Variants in PRIM2 observed in about 807,000 individuals in gnomAD.
The protein encoded by PRIM2 is DNA primase subunit 2, also known as DNA primase large subunit.
Under a neutral mutation model 67.3 loss-of-function variants are expected in PRIM2, and 39 were observed. The observed-to-expected ratio is 0.58, with a 90% confidence interval of 0.45 to 0.76. The LOEUF (loss-of-function observed/expected upper bound fraction) is 0.76, where lower values mean the gene tolerates loss of function less well. PRIM2 is among the 30% of genes least tolerant of loss of function. PRIM2 has a pLI of 0.00. For synonymous variants in PRIM2, 143 were observed against 198.7 expected, an observed-to-expected ratio of 0.72 and a Z score of 2.36; for missense variants, 398 against 598.7, an observed-to-expected ratio of 0.66 and a Z score of 3.50.
At chr6:57,599,600 T>G in intron 10 of PRIM2, among the ~76,000 whole-genome samples, 1 of 152,082 alleles carries the variant, frequency 6.6e-6, no homozygotes, top group African/African-American at 2.4e-5. Context: ...TCATGCTATT[T>G]TCTATTAATC....
chr6:57,637,860 G>T (rs1465102843), intron 13 of PRIM2, among the ~76,000 whole-genome samples: 1 of 152,172 alleles, frequency 6.6e-6, no homozygotes, highest in East Asian at 1.9e-4. Flanking sequence ...CCCCAACCTA[G>T]CAAGACAGGC....
chr6:57,485,677 A>G (rs1294007855), intron 7 of PRIM2, among the ~76,000 whole-genome samples: 2 of 152,210 alleles, frequency 1.3e-5, no homozygotes, highest in Non-Finnish European at 2.9e-5. Context: ...GTAGTAGTCC[A>G]CATATCATTA....
At chr6:57,535,506 A>G (rs1380587185) in intron 9 of PRIM2, among the ~76,000 whole-genome samples, 6 of 152,204 alleles carry the variant, frequency 3.9e-5, no homozygotes, top group Admixed American at 3.3e-4. Context: ...AAAGGGGACA[A>G]TTAGGTCCTA....
At chr6:57,419,279 A>T (rs12198635) in intron 7 of PRIM2, among the ~76,000 whole-genome samples, 1 of 152,144 alleles carries the variant, frequency 6.6e-6, no homozygotes, top group African/African-American at 2.4e-5. Flanking sequence ...TGGTTAGACT[A>T]CGGGGAGTTG....
chr6:57,224,482 G>C, the PRIM2 span, among the ~76,000 whole-genome samples: 3 of 152,176 alleles, frequency 2.0e-5, no homozygotes, highest in Non-Finnish European at 4.4e-5. Context: ...TACAGTTCTA[G>C]CTTTGCAAGA....
chr6:57,369,834 A>G (rs995938606), intron 5 of PRIM2, among the ~76,000 whole-genome samples: 4 of 152,246 alleles, frequency 2.6e-5, no homozygotes, highest in African/African-American at 9.6e-5. Context: ...AAACTGCATT[A>G]GTTGCAGTAA....
chr6:57,625,931 A>C (rs1776942745), intron 12 of PRIM2, among the ~76,000 whole-genome samples: 1 of 152,180 alleles, frequency 6.6e-6, no homozygotes, highest in Non-Finnish European at 1.5e-5. Flanking sequence ...AATTTGCAAG[A>C]CTTGGCATCT....
intron 9 of PRIM2, among the ~76,000 whole-genome samples, chr6:57,534,800 C>T (rs2127469166): frequency 6.6e-6 from 1 of 152,332 alleles, no homozygotes; most frequent in South Asian, 2.1e-4. Context: ...TCTTTTAGCA[C>T]ACCACATTTA....
rs1769358648 is a variant in PRIM2 at position 57,366,384 on chromosome 6, A to T, written c.460-13517A>T. ...AGGCCTGGGATAAAAAGGAACTTTG[A>T]TGGACACAAAGAGCCTGTGTAGTGG... On this transcript the variant is annotated intron_variant, in intron 5 of 13. Transcript: ENST00000615550. Among the ~76,000 whole-genome samples, 4 of 152,182 alleles carry T rather than the reference A, an allele frequency of 2.6e-5. 1 individual carries two copies. The South Asian group carries it at 8.3e-4, about 32-fold the overall frequency.
intron 13 of PRIM2, among the ~76,000 whole-genome samples, chr6:57,645,452 G>A (rs1777319420): frequency 6.6e-6 from 1 of 150,910 alleles, no homozygotes; most frequent in African/African-American, 2.4e-5. Flanking sequence ...AATGTTTTGG[G>A]TATTGCCAGA....
At position 57,532,464 on chromosome 6, in the gene PRIM2, C is replaced by T. The variant is rs1774911993; in HGVS notation, c.815C>T (p.Ser272Phe). ...YSTQGNVGKI[S>F]LDQIDLLSTK... ...ACCCAGGGAAATGTTGGGAAGATTTCTTTAGATCAGATTGATTTGGTAAGT... is the reference window on the plus strand; with the variant it reads ...ACCCAGGGAAATGTTGGGAAGATTTTTTTAGATCAGATTGATTTGGTAAGT... Residue 272 changes from serine to phenylalanine, a missense_variant, in exon 9 of 14, where the codon TCT becomes TTT. Physicochemically the swap from Ser to Phe is radical, Grantham distance 155. Around this residue, in one of 4 missense-constraint regions of PRIM2, gnomAD observed 229 missense variants for 383.6 expected, o/e 0.60. Transcript: ENST00000615550. 8 of 1,458,290 alleles carry T rather than the reference C, an allele frequency of 5.5e-6. No individual in the cohort carries two copies. In the South Asian group the frequency reaches 1.0e-4, roughly 19 times the overall value. The allele number at this position is 1,458,290 out of a possible 1,614,324, so 90.3% of individuals were successfully genotyped here. A position where few individuals can be genotyped will look rare whatever the true frequency, so the allele number is the denominator to read the frequency against.
chr6:57,364,720 A>C (rs1769299669), intron 5 of PRIM2, among the ~76,000 whole-genome samples: 1 of 151,956 alleles, frequency 6.6e-6, no homozygotes, highest in Non-Finnish European at 1.5e-5. Context: ...GTGTTTTGCT[A>C]CCTTGCCCCT....
chr6:57,248,683 A>G, the PRIM2 span, among the ~76,000 whole-genome samples: 4 of 152,176 alleles, frequency 2.6e-5, no homozygotes, highest in Admixed American at 6.5e-5. Flanking sequence ...TAGGCCTGCA[A>G]CCAGTCTGAT....
intron 7 of PRIM2, among the ~76,000 whole-genome samples, chr6:57,394,997 A>G (rs201620120): frequency 0.061 from 9,240 of 152,242 alleles, 382 homozygotes; most frequent in Admixed American, 0.1. Flanking sequence ...CCATCCCTGC[A>G]TCTGTGGTGT....
At chr6:57,476,973 T>A (rs1248858743) in intron 7 of PRIM2, among the ~76,000 whole-genome samples, 2 of 152,124 alleles carry the variant, frequency 1.3e-5, no homozygotes, top group Non-Finnish European at 2.9e-5. Flanking sequence ...ATTTTACTCA[T>A]GAATTTTATG....
At chr6:57,645,161 A>T in intron 13 of PRIM2, among the ~76,000 whole-genome samples, 1 of 152,270 alleles carries the variant, frequency 6.6e-6, no homozygotes, top group East Asian at 1.9e-4. Flanking sequence ...AAGTGGTATC[A>T]GGGACCAGTA....
At chr6:57,295,357 TTTGA>T in the PRIM2 span, among the ~76,000 whole-genome samples, 6 of 151,106 alleles carry the variant, frequency 4.0e-5, no homozygotes, top group Non-Finnish European at 7.4e-5. Context: ...AAAAAAAAAA[TTTGA>T]TTGGGAATAT....
At chr6:57,564,168 T>G (rs1210205959) in intron 10 of PRIM2, among the ~76,000 whole-genome samples, 2 of 152,202 alleles carry the variant, frequency 1.3e-5, no homozygotes, top group East Asian at 1.9e-4. Context: ...TCTGAAACAT[T>G]GCTTTTCTCA....
At chr6:57,541,143 G>T (rs1229571069) in intron 10 of PRIM2, among the ~76,000 whole-genome samples, 1 of 152,194 alleles carries the variant, frequency 6.6e-6, no homozygotes, top group Non-Finnish European at 1.5e-5. Context: ...TCCAGCTAAG[G>T]TTGAGTGCCA....
Sources: gnomAD v4.1 joint callset for allele counts (sites outside exome capture counted in the v4.1 genomes callset) on GRCh38, gnomAD v4.1.1 for gene constraint, gnomAD v4.1.1 regional missense constraint, MANE v1.5 for transcripts, NCBI Gene and HGNC (gene_info 2026-07-23, HGNC 2026-07-21) for gene names.